Variants in PIK3C2G observed in about 807,000 individuals in gnomAD.
PIK3C2G encodes the protein phosphatidylinositol-4-phosphate 3-kinase catalytic subunit type 2 gamma, also known as phosphatidylinositol 3-kinase C2 domain-containing subunit gamma.
Under a neutral mutation model 181.1 loss-of-function variants are expected in PIK3C2G, and 168 were observed. That is an observed-to-expected ratio of 0.93 (90% CI 0.82 to 1.05). The LOEUF (loss-of-function observed/expected upper bound fraction) is 1.05, where lower values mean the gene tolerates loss of function less well. Ranked by LOEUF, PIK3C2G falls within the 50% of genes least tolerant of loss-of-function variation. The probability of loss-of-function intolerance (pLI) is 0.00; values close to 1 mark genes in which losing one functional copy is unlikely to be tolerated. For synonymous variants in PIK3C2G, 573 were observed against 592.2 expected, an observed-to-expected ratio of 0.97 and a Z score of 0.47; for missense variants, 1,869 against 1,732.8, an observed-to-expected ratio of 1.08 and a Z score of -1.40.
At chr12:18,382,735 C>T (rs1185303883) in intron 14 of PIK3C2G, among the ~76,000 whole-genome samples, 1 of 152,054 alleles carries the variant, frequency 6.6e-6, no homozygotes, top group African/African-American at 2.4e-5. Context: ...AAGAATGTCT[C>T]CAGATATTGT....
At chr12:18,529,963 A>G (rs867979687) in intron 24 of PIK3C2G, among the ~76,000 whole-genome samples, 8 of 152,184 alleles carry the variant, frequency 5.3e-5, no homozygotes, top group Non-Finnish European at 1.2e-4. Flanking sequence ...TGTTCTATGC[A>G]CAGCAGCCAA....
chr12:18,687,661 C>G, the PIK3C2G span, among the ~76,000 whole-genome samples: 1 of 152,038 alleles, frequency 6.6e-6, no homozygotes, highest in Non-Finnish European at 1.5e-5. Context: ...TAGCCTGATT[C>G]AGAAGCCATA....
chr12:18,584,343 C>A (rs1946666476), intron 29 of PIK3C2G, among the ~76,000 whole-genome samples: 1 of 151,898 alleles, frequency 6.6e-6, no homozygotes, highest in Non-Finnish European at 1.5e-5. Flanking sequence ...TTTTTAAAAA[C>A]CCTAATAGAT....
At chr12:18,372,806 C>A (rs1942162174) in intron 13 of PIK3C2G, 1 of 152,110 alleles carries the variant, frequency 6.6e-6, no homozygotes, top group Non-Finnish European at 1.5e-5. Context: ...AGTAAAAATA[C>A]CACCTCCATG....
chr12:18,637,209 G>T (rs556692261), intron 31 of PIK3C2G, among the ~76,000 whole-genome samples: 3 of 152,106 alleles, frequency 2.0e-5, no homozygotes, highest in African/African-American at 4.8e-5. Context: ...AAAACCCATA[G>T]GTCCCTTTGA....
intron 5 of PIK3C2G, among the ~76,000 whole-genome samples, chr12:18,300,851 T>C (rs1244151066): frequency 6.6e-6 from 1 of 152,170 alleles, no homozygotes; most frequent in Non-Finnish European, 1.5e-5. Context: ...CTTCCAGATG[T>C]AGGCTTTCCT....
chr12:18,607,103 A>G (rs1251978231), intron 30 of PIK3C2G: 2 of 479,442 alleles, frequency 4.2e-6, no homozygotes, highest in Admixed American at 4.5e-5. Flanking sequence ...ACATTTCACG[A>G]TAAGGGCTGT....
At chr12:18,404,272 T>G (rs1944402509) in intron 16 of PIK3C2G, among the ~76,000 whole-genome samples, 1 of 152,200 alleles carries the variant, frequency 6.6e-6, no homozygotes, top group Non-Finnish European at 1.5e-5. Context: ...CTCTCACATT[T>G]GACTGATTAA....
At position 18,567,058 on chromosome 12, in the gene PIK3C2G, G is replaced by C; in HGVS notation, c.4011+1G>C. ...AAATGTATCACATGAAGTTACAAAC[G>C]TATGTTATAATTAATTTTTCTATTT... On this transcript the variant is annotated splice_donor_variant, in intron 29 of 32. Coordinates refer to ENST00000538779, the MANE Select transcript of PIK3C2G (RefSeq NM_001288772.2). LOFTEE classifies it high-confidence loss of function. 1 of 1,216,208 alleles carries C rather than the reference G, an allele frequency of 8.2e-7. No homozygotes were observed. The allele number at this position is 1,216,208 out of a possible 1,614,324, so 75.3% of individuals were successfully genotyped here. A position where few individuals can be genotyped will look rare whatever the true frequency, so the allele number is the denominator to read the frequency against.
chr12:18,529,661 A>G (rs1307700834), intron 24 of PIK3C2G, among the ~76,000 whole-genome samples: 2 of 152,224 alleles, frequency 1.3e-5, no homozygotes, highest in Admixed American at 6.5e-5. Context: ...TAAAAGGCTG[A>G]TAACTTTAAG....
At chr12:18,665,937 A>AG in the PIK3C2G span, among the ~76,000 whole-genome samples, 1 of 151,288 alleles carries the variant, frequency 6.6e-6, no homozygotes, top group African/African-American at 2.4e-5. Context: ...TCCATCTCAA[A>AG]AAAAAAAAAA....
chr12:18,432,475 T>C (rs764664767), intron 18 of PIK3C2G, among the ~76,000 whole-genome samples: 2 of 152,168 alleles, frequency 1.3e-5, no homozygotes, highest in Non-Finnish European at 2.9e-5. Flanking sequence ...TAGATAGTAA[T>C]CTGGTTTCCC....
intron 5 of PIK3C2G, among the ~76,000 whole-genome samples, chr12:18,307,479 A>G (rs1350049152): frequency 6.6e-6 from 1 of 151,852 alleles, no homozygotes; most frequent in Non-Finnish European, 1.5e-5. Flanking sequence ...TCATATTTGG[A>G]ATGTTACCAG....
At chr12:18,458,336 T>C (rs909774212) in intron 18 of PIK3C2G, among the ~76,000 whole-genome samples, 2 of 152,192 alleles carry the variant, frequency 1.3e-5, no homozygotes, top group African/African-American at 4.8e-5. Flanking sequence ...CCCAAAGAAC[T>C]TGCTTCTATG....
intron 31 of PIK3C2G, among the ~76,000 whole-genome samples, chr12:18,639,094 G>A (rs901432784): frequency 3.3e-5 from 5 of 151,982 alleles, no homozygotes; most frequent in African/African-American, 1.2e-4. Flanking sequence ...TATACCTTGA[G>A]CTCCAATAAA....
At chr12:18,270,089 T>C (rs751653835) in intron 1 of PIK3C2G, among the ~76,000 whole-genome samples, 3 of 151,854 alleles carry the variant, frequency 2.0e-5, no homozygotes, top group Non-Finnish European at 4.4e-5. Context: ...TTTGTATTTT[T>C]AGTAAAGACA....
At chr12:18,707,677 C>A in the PIK3C2G span, among the ~76,000 whole-genome samples, 5 of 152,142 alleles carry the variant, frequency 3.3e-5, no homozygotes, top group African/African-American at 1.2e-4. Flanking sequence ...GTTATGACTT[C>A]CCTAGTCATA....
At chr12:18,702,985 A>G in the PIK3C2G span, among the ~76,000 whole-genome samples, 21 of 151,882 alleles carry the variant, frequency 1.4e-4, 1 homozygote, top group African/African-American at 4.6e-4. Flanking sequence ...TTCTTTATTT[A>G]CTCATTGAAA....
chr12:18,687,419 A>C, the PIK3C2G span, among the ~76,000 whole-genome samples: 1 of 152,164 alleles, frequency 6.6e-6, no homozygotes, highest in African/African-American at 2.4e-5. Flanking sequence ...TGTCTCCTTC[A>C]AGGTGATCCT....
Sources: allele counts gnomAD v4.1 joint callset (sites outside exome capture counted in the v4.1 genomes callset), GRCh38; gene constraint gnomAD v4.1.1; transcripts MANE v1.5; gene names NCBI Gene and HGNC (gene_info 2026-07-23, HGNC 2026-07-21).